The following FBN2 variants were observed in gnomAD, a reference collection of about 807,000 sequenced individuals.
The protein encoded by FBN2 is fibrillin 2, also known as fibrillin-2.
A neutral mutation model predicts 355.6 loss-of-function variants in FBN2; 105 were observed. That is an observed-to-expected ratio of 0.30 (90% CI 0.25 to 0.35). The LOEUF is 0.35. FBN2 is among the 10% of genes least tolerant of loss of function. FBN2 has a pLI of 1.00. For synonymous variants in FBN2, 1,350 were observed against 1,301.2 expected (o/e 1.04, Z -0.81); for missense variants, 3,280 against 3,758.7 (o/e 0.87, Z 3.33).
At chr5:128,491,199 C>G (rs905661335) in intron 5 of FBN2, among the ~76,000 whole-genome samples, 1 of 152,182 alleles carries the variant, frequency 6.6e-6, no homozygotes, top group African/African-American at 2.4e-5. Flanking sequence ...AGAACACACA[C>G]AGTCTGTACT....
intron 36 of FBN2, among the ~76,000 whole-genome samples, chr5:128,313,863 A>C (rs1228469726): frequency 6.6e-6 from 1 of 151,134 alleles, no homozygotes; most frequent in African/African-American, 2.4e-5. Flanking sequence ...AAAAAAAAAA[A>C]AAAAAAAAAA....
At chr5:128,347,841 C>T (rs369736147) in intron 23 of FBN2, among the ~76,000 whole-genome samples, 9 of 151,856 alleles carry the variant, frequency 5.9e-5, no homozygotes, top group Admixed American at 2.6e-4. Flanking sequence ...TATAGTGGTG[C>T]GACCTCGGCT....
In FBN2 at chr5:128,378,865, G is replaced by C; in HGVS notation, c.1629C>G (p.Pro543=). 1 of 1,613,126 alleles carries C rather than the reference G, an allele frequency of 6.2e-7. No individual in the cohort carries two copies. Among genetic ancestry groups the C allele is most frequent in the Non-Finnish European group, 8.5e-7 (1 of 1,179,286 alleles). ...TGTTAACACAATCTCCATTAGTGCA[G>C]GGATTTGATGTGCATTCATCAACAT... ...CIDVDECTSN[P]CTNGDCVNTP... The change falls in exon 12 of 65, where the codon CCC becomes CCG. Residue 543 remains proline, a synonymous_variant. Coordinates refer to ENST00000262464, the MANE Select transcript of FBN2 (RefSeq NM_001999.4).
At chr5:128,348,506 G>A (rs1176677488) in intron 23 of FBN2, among the ~76,000 whole-genome samples, 2 of 151,930 alleles carry the variant, frequency 1.3e-5, no homozygotes, top group African/African-American at 2.4e-5. Context: ...GTATGGTATT[G>A]CAAACTTTTT....
intron 48 of FBN2, among the ~76,000 whole-genome samples, chr5:128,300,284 A>C (rs1749676888): frequency 6.6e-6 from 1 of 152,250 alleles, no homozygotes; most frequent in African/African-American, 2.4e-5. Context: ...TCCACTAGGC[A>C]ATTCTGGGAC....
intron 55 of FBN2, among the ~76,000 whole-genome samples, chr5:128,284,297 G>A (rs1045263460): frequency 1.3e-5 from 2 of 152,104 alleles, no homozygotes; most frequent in Non-Finnish European, 2.9e-5. Flanking sequence ...ACATATTTAA[G>A]CCAACTTGCC....
chr5:128,323,503 AAAGGCCTAGTTTTATCG>A (rs1210664523), intron 34 of FBN2, among the ~76,000 whole-genome samples: 1 of 152,152 alleles, frequency 6.6e-6, no homozygotes. Context: ...CTATTTTATC[AAAGGCCTAGTTTTATCG>A]AAGGCCTTAC....
At chr5:128,338,837 G>T in intron 26 of FBN2, 96 bp downstream of exon 26, 1 of 1,321,414 alleles carries the variant, frequency 7.6e-7, no homozygotes, top group Non-Finnish European at 1.1e-6. Context: ...GGCCACACAT[G>T]CCGTTCACAG....
At chr5:128,325,667 T>C (rs973336215) in intron 34 of FBN2, among the ~76,000 whole-genome samples, 3 of 152,212 alleles carry the variant, frequency 2.0e-5, no homozygotes, top group Non-Finnish European at 4.4e-5. Context: ...TAGTACCTTT[T>C]TTCTAGTTGA....
intron 11 of FBN2, among the ~76,000 whole-genome samples, chr5:128,382,028 G>T (rs572410068): frequency 6.6e-6 from 1 of 151,860 alleles, no homozygotes; most frequent in African/African-American, 2.4e-5. Context: ...CTCTATACCT[G>T]GCCTCTCATC....
In FBN2 at chr5:128,530,480, T is replaced by G. The variant is rs969224548; in HGVS notation, c.436+115A>C. ...TTAACAGTATCTCATAATGTTGATG[T>G]AAGGATTAACTAAAGTAATAACAGT... On this transcript the variant is annotated intron_variant, in intron 3 of 64. Transcript: ENST00000262464. 5 of 731,234 alleles carry G rather than the reference T, an allele frequency of 6.8e-6. No homozygotes were observed. The East Asian group carries it at 1.3e-4, about 20-fold the overall frequency. 45.3% of individuals were successfully genotyped at this position (731,234 alleles called of 1,614,324 possible). A position where few individuals can be genotyped will look rare whatever the true frequency, so the allele number is the denominator to read the frequency against.
In FBN2 at chr5:128,349,932, C is replaced by A. The variant is rs255690; in HGVS notation, c.2863+23G>T. The A allele has an allele frequency of 0.32, 500,342 of 1,577,716 alleles. 84,803 individuals carry two copies. The highest frequency in any genetic ancestry group is 0.35 in the Non-Finnish European group (405,445 of 1,146,500). On this transcript the variant is annotated intron_variant, in intron 22 of 64. Transcript: ENST00000262464. Reference sequence around the variant, plus strand: ...TTACTGCTCAAAAGATGTATAGTATCTTCCAAGGAAGGATACACTCACCTT... The same window carrying A: ...TTACTGCTCAAAAGATGTATAGTATATTCCAAGGAAGGATACACTCACCTT...
At chr5:128,525,135 G>A (rs1452118566) in intron 4 of FBN2, among the ~76,000 whole-genome samples, 2 of 152,144 alleles carry the variant, frequency 1.3e-5, no homozygotes, top group Non-Finnish European at 2.9e-5. Context: ...ACTGAAGACA[G>A]CTAATTTCAG....
chr5:128,319,864 T>C (rs1180018851), intron 34 of FBN2, among the ~76,000 whole-genome samples: 1 of 152,222 alleles, frequency 6.6e-6, no homozygotes, highest in Non-Finnish European at 1.5e-5. Context: ...AGAGGATGGA[T>C]ATTTATGTAT....
chr5:128,448,482 T>C (rs1248229162), intron 6 of FBN2, among the ~76,000 whole-genome samples: 1 of 151,890 alleles, frequency 6.6e-6, no homozygotes, highest in Non-Finnish European at 1.5e-5. Context: ...TAATTTTGTA[T>C]TTTTAGTAGA....
chr5:128,503,270 C>T (rs1755864651), intron 5 of FBN2, among the ~76,000 whole-genome samples: 1 of 152,156 alleles, frequency 6.6e-6, no homozygotes, highest in South Asian at 2.1e-4. Flanking sequence ...AACCTTTTTC[C>T]TTTATAAATC....
chr5:128,372,902 C>T (rs539684598), intron 15 of FBN2, among the ~76,000 whole-genome samples: 8 of 152,254 alleles, frequency 5.3e-5, no homozygotes, highest in Admixed American at 1.3e-4. Flanking sequence ...GTTGGGATTA[C>T]AGGCATGAGC....
intron 7 of FBN2, among the ~76,000 whole-genome samples, chr5:128,415,294 G>A (rs1364830608): frequency 6.6e-6 from 1 of 151,990 alleles, no homozygotes; most frequent in Non-Finnish European, 1.5e-5. Context: ...TGAAACACTG[G>A]AACTTATTCC....
chr5:128,327,572 ATTT>A (rs61333538), intron 34 of FBN2, among the ~76,000 whole-genome samples: 2 of 138,220 alleles, frequency 1.4e-5, no homozygotes, highest in African/African-American at 5.5e-5. Context: ...GCAGTTAGGT[ATTT>A]TTTTTTTTTT....
Sources: gnomAD v4.1 joint callset for allele counts (sites outside exome capture counted in the v4.1 genomes callset) on GRCh38, gnomAD v4.1.1 for gene constraint, MANE v1.5 for transcripts, NCBI Gene and HGNC (gene_info 2026-07-23, HGNC 2026-07-21) for gene names.